Variants in NEMF observed in about 807,000 individuals in gnomAD.
The protein encoded by NEMF is ribosome quality control complex subunit NEMF.
NEMF carries 89 observed loss-of-function variants against 162.2 expected under a neutral mutation model. The observed-to-expected ratio is 0.55, with a 90% CI of 0.46 to 0.65. The LOEUF (loss-of-function observed/expected upper bound fraction) is 0.65, where lower values mean the gene tolerates loss of function less well. Among genes scored for constraint, NEMF ranks in the 30% least tolerant of loss-of-function variants. The pLI, the probability that NEMF is intolerant of heterozygous loss-of-function variation, is 0.00. For synonymous variants in NEMF, 421 were observed against 404.5 expected, an observed-to-expected ratio of 1.04 and a Z score of -0.49; for missense variants, 1,133 against 1,261.9, an observed-to-expected ratio of 0.90 and a Z score of 1.55.
At chr14:49,843,996 G>C (rs559566683) in intron 4 of NEMF, among the ~76,000 whole-genome samples, 16 of 152,066 alleles carry the variant, frequency 1.1e-4, no homozygotes, top group Admixed American at 8.5e-4. Flanking sequence ...CTACTCAGGA[G>C]GCTGAGGCAC....
At chr14:49,806,158 C>T in intron 18 of NEMF, 25 bp from the exon 19 acceptor site, 1 of 1,548,558 alleles carries the variant, frequency 6.5e-7, no homozygotes. Flanking sequence ...CATAATGTTT[C>T]AATACCAAAG....
At position 49,784,481 on chromosome 14, in the gene NEMF, A is replaced by G; in HGVS notation, c.*155T>C. 2 of 588,212 alleles carry G rather than the reference A, an allele frequency of 3.4e-6. No individual in the cohort carries two copies. The highest frequency in any genetic ancestry group is 6.0e-6 in the Non-Finnish European group (2 of 334,696). 36.4% of individuals were successfully genotyped at this position (588,212 alleles called of 1,614,324 possible). Reference sequence around the variant, plus strand: ...AGTGTTTCCTCTATATAAAACTGGGAAAAAACAAGAAGTAAGTCCTTTTGG... The same window carrying G: ...AGTGTTTCCTCTATATAAAACTGGGGAAAAACAAGAAGTAAGTCCTTTTGG... On this transcript the variant is annotated 3_prime_UTR_variant, in exon 33 of 33. Coordinates refer to ENST00000298310, the MANE Select transcript of NEMF (RefSeq NM_004713.6).
At chr14:49,847,074 C>T (rs763413225) in intron 3 of NEMF, among the ~76,000 whole-genome samples, 22 of 151,388 alleles carry the variant, frequency 1.5e-4, no homozygotes, top group Non-Finnish European at 2.9e-4. Flanking sequence ...TTAGTAGAGA[C>T]GGGGTTTCAC....
At chr14:49,834,486 T>C (rs753619522) in intron 6 of NEMF, 37 bp from the exon 7 acceptor site, 3 of 1,383,830 alleles carry the variant, frequency 2.2e-6, no homozygotes, top group Admixed American at 1.9e-5. Flanking sequence ...AGTATTTTCC[T>C]ATAAATTCTT....
At position 49,791,020 on chromosome 14, in the gene NEMF, G is replaced by A. The variant is rs145510548; in HGVS notation, c.2620-1447C>T. On this transcript the variant is annotated intron_variant, in intron 26 of 32. Coordinates refer to ENST00000298310, the MANE Select transcript of NEMF (RefSeq NM_004713.6). The stretch of plus-strand genomic sequence containing the variant: ...AAAAACAAAAAAAATGTCAAGTGGG[G>A]ATATTCTTAGCAAGTGGCAAGCATG... Among the ~76,000 whole-genome samples the A allele has an allele frequency of 3.2e-3, 493 of 152,130 alleles. 2 individuals are homozygous for A. The highest frequency in any genetic ancestry group is 4.2e-3 in the Non-Finnish European group (285 of 67,968).
intron 1 of NEMF, 143 bp from the exon 2 acceptor site, chr14:49,852,018 T>A (rs1449320491): frequency 8.7e-6 from 5 of 576,092 alleles, no homozygotes; most frequent in East Asian, 2.9e-5. Context: ...TGAAAGCCAT[T>A]TGGAGATTCA....
chr14:49,834,430 A>G lies in NEMF; in HGVS notation c.594T>C (p.Ile198=). The change falls in exon 7 of 33, where the codon ATT becomes ATC. Residue 198 remains isoleucine (I), a synonymous_variant. Coordinates refer to ENST00000298310, the MANE Select transcript of NEMF (RefSeq NM_004713.6). ...ATCCATTTTCTAAAAGACAGTGTTC[A>G]ATGAGAGCTGGTCCATAGGCTATAA... ...NPLLPYGPAL[I]EHCLLENGFS... The G allele has an allele frequency of 6.2e-7, 1 of 1,603,728 alleles. No homozygotes were observed. The highest frequency in any genetic ancestry group is 8.5e-7 in the Non-Finnish European group (1 of 1,170,530).
Position 49,828,281 on chromosome 14 carries a change from T to C in NEMF, c.1488+10A>G. On this transcript the variant is annotated intron_variant, in intron 15 of 32. Transcript: ENST00000298310. Reference sequence around the variant, plus strand: ...AACAACTAACATTCACTCTAAGAAATACTCAGTACCTTCTCAGCAGCTTCA... The same window carrying C: ...AACAACTAACATTCACTCTAAGAAACACTCAGTACCTTCTCAGCAGCTTCA... The C allele has an allele frequency of 1.9e-6, 3 of 1,583,000 alleles. No individual in the cohort carries two copies. The highest frequency in any genetic ancestry group is 2.6e-6 in the Non-Finnish European group (3 of 1,152,300).
intron 18 of NEMF, among the ~76,000 whole-genome samples, chr14:49,809,248 A>G (rs971372133): frequency 2.0e-5 from 3 of 152,256 alleles, no homozygotes; most frequent in Non-Finnish European, 2.9e-5. Flanking sequence ...AGCTTTATTC[A>G]TATTGCCAAA....
At chr14:49,846,745 G>A (rs182370616) in intron 3 of NEMF, among the ~76,000 whole-genome samples, 11 of 151,742 alleles carry the variant, frequency 7.2e-5, no homozygotes, top group East Asian at 2.0e-4. Flanking sequence ...GATTACAAGC[G>A]TAAGCTACTG....
At position 49,828,734 on chromosome 14, in the gene NEMF, C is replaced by G. The variant is rs1051765273; in HGVS notation, c.1306G>C (p.Glu436Gln). 1 of 1,594,806 alleles carries G rather than the reference C, an allele frequency of 6.3e-7. No homozygotes were observed. The highest frequency in any genetic ancestry group is 1.3e-5 in the African/African-American group (1 of 74,236). Residue 436 changes from glutamate (E) to glutamine (Q), a missense_variant, in exon 14 of 33, where the codon GAA becomes CAA. By Grantham distance (29) the Glu-to-Gln change is conservative. Coordinates refer to ENST00000298310, the MANE Select transcript of NEMF (RefSeq NM_004713.6). ...TTTTTCTTTTTTCCTTTTGGTGGTT[C>G]AGTTTCATTTTTCTCAACATTGACG... ...GDVNVEKNET[E>Q]PPKGKKKKQK...
chr14:49,782,460 A>G lies in NEMF; in HGVS notation c.*2176T>C. On this transcript the variant is annotated 3_prime_UTR_variant, in exon 33 of 33. Coordinates refer to ENST00000298310, the MANE Select transcript of NEMF (RefSeq NM_004713.6). The stretch of plus-strand genomic sequence containing the variant: ...ACTTGCTTGTCCATCACAGAGCTGT[A>G]AGTATACTACCTTCACATTATTACT... The G allele has an allele frequency of 6.2e-7, 1 of 1,608,678 alleles. No homozygotes were observed.
At chr14:49,846,973 C>T (rs1398715002) in intron 3 of NEMF, among the ~76,000 whole-genome samples, 1 of 152,212 alleles carries the variant, frequency 6.6e-6, no homozygotes, top group Non-Finnish European at 1.5e-5. Flanking sequence ...GCAACCTCCG[C>T]CTCCCAGGTT....
At chr14:49,851,960 A>G in intron 1 of NEMF, 85 bp from the exon 2 acceptor site, 1 of 807,738 alleles carries the variant, frequency 1.2e-6, no homozygotes, top group South Asian at 1.8e-5. Flanking sequence ...GCTTCGAAAG[A>G]GCGGATCTCA....
chr14:49,796,745 A>C (rs1180925066), intron 25 of NEMF, among the ~76,000 whole-genome samples: 1 of 152,226 alleles, frequency 6.6e-6, no homozygotes, highest in African/African-American at 2.4e-5. Flanking sequence ...TTAGCTTTTA[A>C]GTACTCCACT....
chr14:49,799,730 T>C, intron 23 of NEMF, 52 bp from the exon 24 acceptor site: 1 of 1,454,286 alleles, frequency 6.9e-7, no homozygotes, highest in Non-Finnish European at 9.4e-7. Context: ...AGACATGCAT[T>C]TACAAAGTCC....
At chr14:49,789,748 CAAGGAATTT>C (rs1297492446) in intron 26 of NEMF, among the ~76,000 whole-genome samples, 175 bp from the exon 27 acceptor site, 1 of 152,128 alleles carries the variant, frequency 6.6e-6, no homozygotes, top group Non-Finnish European at 1.5e-5. Context: ...TCCTCATCTT[CAAGGAATTT>C]ACCATAGGGT....
chr14:49,844,764 C>CACACACAT (rs144835038), intron 4 of NEMF: 123 of 329,372 alleles, frequency 3.7e-4, no homozygotes, highest in African/African-American at 2.8e-3. Flanking sequence ...CACACACACA[C>CACACACAT]ATATATTTTT....
At chr14:49,842,759 C>T (rs1341492557) in intron 4 of NEMF, among the ~76,000 whole-genome samples, 1 of 152,220 alleles carries the variant, frequency 6.6e-6, no homozygotes, top group Non-Finnish European at 1.5e-5. Flanking sequence ...GTAATCCCAG[C>T]ACTTTGGGAG....
Sources: allele counts gnomAD v4.1 joint callset (sites outside exome capture counted in the v4.1 genomes callset), GRCh38; gene constraint gnomAD v4.1.1; transcripts MANE v1.5; gene names NCBI Gene and HGNC (gene_info 2026-07-23, HGNC 2026-07-21).